The following ELP4 variants were observed in gnomAD, a reference collection of about 807,000 sequenced individuals.
ELP4 encodes the protein elongator acetyltransferase complex subunit 4, also known as elongator complex protein 4.
Under a neutral mutation model 48.9 loss-of-function variants are expected in ELP4, and 51 were observed. That is an observed-to-expected ratio of 1.04 (90% CI 0.83 to 1.32). ELP4 has a LOEUF of 1.32. ELP4 is among the 40% of genes most tolerant of loss of function. The pLI is 0.00. For synonymous variants in ELP4, 210 were observed against 189.2 expected (o/e 1.11, Z -0.90); for missense variants, 519 against 514.6 (o/e 1.01, Z -0.08).
At chr11:31,620,250 A>G (rs1272035872) in intron 5 of ELP4, among the ~76,000 whole-genome samples, 1 of 152,016 alleles carries the variant, frequency 6.6e-6, no homozygotes. Context: ...TGTGTTTAAC[A>G]AGAATAGCAG....
chr11:31,781,245 A>T (rs923888892), intron 9 of ELP4, among the ~76,000 whole-genome samples: 1 of 152,166 alleles, frequency 6.6e-6, no homozygotes, highest in East Asian at 1.9e-4. Flanking sequence ...CCAAAAGTAT[A>T]TACATGCACG....
chr11:31,781,351 A>C (rs562298483), intron 9 of ELP4, among the ~76,000 whole-genome samples: 86 of 152,236 alleles, frequency 5.6e-4, no homozygotes, highest in Non-Finnish European at 1.0e-3. Context: ...ACAAGATCTT[A>C]AACATTAAAA....
intron 9 of ELP4, among the ~76,000 whole-genome samples, chr11:31,750,215 GTAGT>G (rs754085107): frequency 3.9e-4 from 60 of 152,148 alleles, no homozygotes; most frequent in Non-Finnish European, 7.2e-4. Context: ...GGTTTGCTTG[GTAGT>G]TATTCTTCCA....
intron 7 of ELP4, chr11:31,646,233 C>G (rs745475711): frequency 2.6e-5 from 4 of 151,630 alleles, no homozygotes; most frequent in Non-Finnish European, 4.4e-5. Flanking sequence ...CTTAGTGTGC[C>G]CACGTGATTG....
Position 31,647,861 on chromosome 11 carries a change from C to T in ELP4, c.1036+12C>T. 6.7e-7 allele frequency: 1 copy of T among 1,483,034 alleles called. No homozygotes were observed. Among genetic ancestry groups the T allele is most frequent in the Non-Finnish European group, 9.4e-7 (1 of 1,062,108 alleles). The allele number at this position is 1,483,034 out of a possible 1,614,324, so 91.9% of individuals were successfully genotyped here. A position where few individuals can be genotyped will look rare whatever the true frequency, so the allele number is the denominator to read the frequency against. On this transcript the variant is annotated intron_variant, in intron 8 of 9. Coordinates refer to ENST00000640961, the MANE Select transcript of ELP4 (RefSeq NM_019040.5). ...TAAGGATTATCATGGTAAGTACAACCTTCATAATGAGAAGAGCAGGAGCAG... is the reference window on the plus strand; with the variant it reads ...TAAGGATTATCATGGTAAGTACAACTTTCATAATGAGAAGAGCAGGAGCAG...
At position 31,762,784 on chromosome 11, in the gene ELP4, T is replaced by G. The variant is rs1947969434; in HGVS notation, c.1144-20609T>G. 2.0e-5 allele frequency among the ~76,000 whole-genome samples: 3 copies of G among 151,618 alleles called. No individual in the cohort carries two copies. The South Asian group carries it at 6.3e-4, about 32-fold the overall frequency. ...TTTCTTATGTCTTAAGATATATTTTTTAAACAGCTATTTAGCTCTAAAAGT... is the reference window on the plus strand; with the variant it reads ...TTTCTTATGTCTTAAGATATATTTTGTAAACAGCTATTTAGCTCTAAAAGT... On this transcript the variant is annotated intron_variant, in intron 9 of 9. Coordinates refer to ENST00000640961, the MANE Select transcript of ELP4 (RefSeq NM_019040.5).
chr11:31,732,408 CACA>C (rs1384248666), intron 9 of ELP4, among the ~76,000 whole-genome samples: 1 of 144,722 alleles, frequency 6.9e-6, no homozygotes, highest in Non-Finnish European at 1.5e-5. Context: ...CCATGGTAAC[CACA>C]AAGAAAATAC....
intron 9 of ELP4, among the ~76,000 whole-genome samples, chr11:31,776,819 A>G (rs555985780): frequency 1.3e-5 from 2 of 152,318 alleles, no homozygotes; most frequent in Admixed American, 1.3e-4. Context: ...ATAAAATTCA[A>G]TTAAGATTAA....
chr11:31,705,796 G>A (rs561242282), intron 9 of ELP4, among the ~76,000 whole-genome samples: 1 of 152,038 alleles, frequency 6.6e-6, no homozygotes, highest in Non-Finnish European at 1.5e-5. Flanking sequence ...ATTCTACATG[G>A]TAAATTTTCA....
At chr11:31,564,956 T>A (rs376245270) in intron 3 of ELP4, among the ~76,000 whole-genome samples, 1 of 152,170 alleles carries the variant, frequency 6.6e-6, no homozygotes, top group African/African-American at 2.4e-5. Flanking sequence ...CGCCACACTG[T>A]CTTCCACAAT....
rs373360320 is a variant in ELP4 at position 31,647,749 on chromosome 11, C to T, written c.936C>T (p.Ala312=). ...TMPTHLIQNK[A]IIARVTTLSD... is the part of the protein sequence containing the mutation. ...GTTTCCATGTTTTGCAGAATAAAGC[C>T]ATTATTGCCCGTGTCACAACCTTGT... Residue 312 remains alanine (A), a synonymous_variant, in exon 8 of 10, where the codon GCC becomes GCT. Transcript: ENST00000640961. 87 of 1,603,372 alleles carry T rather than the reference C, an allele frequency of 5.4e-5. No homozygotes were observed. In the African/African-American group the frequency reaches 1.1e-3, roughly 21 times the overall value.
chr11:31,632,214 T>C lies in ELP4; in HGVS notation c.739-3T>C. 2 of 1,595,218 alleles carry C rather than the reference T, an allele frequency of 1.3e-6. No homozygotes were observed. The highest frequency in any genetic ancestry group is 1.7e-6 in the Non-Finnish European group (2 of 1,173,888). On this transcript the variant is annotated splice_region_variant and splice_polypyrimidine_tract_variant and intron_variant, in intron 6 of 9. Coordinates refer to ENST00000640961, the MANE Select transcript of ELP4 (RefSeq NM_019040.5). ...TGTTTGCTTTTTTCCCACTTTCTTT[T>C]AGAAAAAACAGAGAAACATTTTAAG...
At chr11:31,550,286 A>T (rs545580240) in intron 3 of ELP4, among the ~76,000 whole-genome samples, 7 of 152,222 alleles carry the variant, frequency 4.6e-5, no homozygotes, top group Admixed American at 2.0e-4. Context: ...ATTAATGGTG[A>T]GAAAGAGAAT....
intron 9 of ELP4, among the ~76,000 whole-genome samples, chr11:31,777,330 G>T (rs1469476243): frequency 1.3e-5 from 2 of 152,130 alleles, no homozygotes; most frequent in Non-Finnish European, 2.9e-5. Flanking sequence ...GAAATTCTGT[G>T]TTTATCCATA....
At chr11:31,564,184 C>T (rs1957067135) in intron 3 of ELP4, among the ~76,000 whole-genome samples, 1 of 152,050 alleles carries the variant, frequency 6.6e-6, no homozygotes. Flanking sequence ...TACAAACTTA[C>T]ATTATAAATT....
intron 3 of ELP4, among the ~76,000 whole-genome samples, chr11:31,545,509 TG>T (rs1239956841): frequency 1.3e-5 from 2 of 151,456 alleles, no homozygotes; most frequent in Non-Finnish European, 2.9e-5. Flanking sequence ...TACGTCTGAT[TG>T]GTGTACCTGA....
At chr11:31,574,670 CAG>C (rs1432502524) in intron 3 of ELP4, among the ~76,000 whole-genome samples, 1 of 152,206 alleles carries the variant, frequency 6.6e-6, no homozygotes, top group Admixed American at 6.5e-5. Context: ...CTCAGGCAAA[CAG>C]GGTCTGGAGT....
chr11:31,767,407 G>A (rs1592293384), intron 9 of ELP4: 1 of 146,094 alleles, frequency 6.8e-6, no homozygotes, highest in Non-Finnish European at 1.5e-5. Context: ...AAAAAAATTA[G>A]CTCAAGGGTA....
At chr11:31,597,109 CAT>C (rs1329044966) in intron 4 of ELP4, among the ~76,000 whole-genome samples, 3 of 152,106 alleles carry the variant, frequency 2.0e-5, no homozygotes, top group Non-Finnish European at 4.4e-5. Context: ...ATTACAAAAA[CAT>C]ATATTCTTTG....
Sources: allele counts gnomAD v4.1 joint callset (sites outside exome capture counted in the v4.1 genomes callset), GRCh38; gene constraint gnomAD v4.1.1; transcripts MANE v1.5; gene names NCBI Gene and HGNC (gene_info 2026-07-23, HGNC 2026-07-21).